RIMBP2: variants seen among roughly 807,000 people sequenced by gnomAD.
RIMBP2 encodes RIMS-binding protein 2.
Under a neutral mutation model 118.6 loss-of-function variants are expected in RIMBP2, and 48 were observed. The ratio of observed to expected loss-of-function variants is 0.40; its 90% confidence interval spans 0.32 to 0.51. The LOEUF (loss-of-function observed/expected upper bound fraction) is 0.51. Ranked by LOEUF, RIMBP2 falls within the 20% of genes least tolerant of loss-of-function variation. The pLI, the probability that RIMBP2 is intolerant of heterozygous loss-of-function variation, is 0.41. For synonymous variants in RIMBP2, 762 were observed against 742.9 expected (o/e 1.03, Z -0.42); for missense variants, 1,551 against 1,768.3 (o/e 0.88, Z 2.20).
chr12:130,512,003 C>T (rs986085146), intron 3 of RIMBP2, among the ~76,000 whole-genome samples: 1 of 152,164 alleles, frequency 6.6e-6, no homozygotes, highest in African/African-American at 2.4e-5. Flanking sequence ...TGGAAATAAC[C>T]CCAGCTGATA....
rs1484578530 is a variant in RIMBP2 at position 130,621,561 on chromosome 12, G to A, written c.-217+6761C>T. On this transcript the variant is annotated intron_variant, in intron 2 of 22. Coordinates refer to ENST00000690449, the MANE Select transcript of RIMBP2 (RefSeq NM_001393629.1). This position sits in a 1 kb window ranked among gnomAD's most constrained non-coding sequence, Gnocchi z 6.6. ...CTCTGTCATCTGAAATCTGAAGATC[G>A]CGACACACATAATATAATACCACGG... Among the ~76,000 whole-genome samples, 5 of 152,120 alleles carry A rather than the reference G, an allele frequency of 3.3e-5. No individual in the cohort carries two copies. The highest frequency in any genetic ancestry group is 4.8e-5 in the African/African-American group (2 of 41,416).
At chr12:130,694,729 G>T (rs947706949) in intron 1 of RIMBP2, among the ~76,000 whole-genome samples, 1 of 152,208 alleles carries the variant, frequency 6.6e-6, no homozygotes, top group Non-Finnish European at 1.5e-5. Context: ...ACAGGAGGTA[G>T]CAGACACTGA....
At chr12:130,613,623 GGCCAAC>G (rs1387539408) in intron 2 of RIMBP2, among the ~76,000 whole-genome samples, 1 of 152,090 alleles carries the variant, frequency 6.6e-6, no homozygotes, top group African/African-American at 2.4e-5. Context: ...AGATCATCCT[GGCCAAC>G]GTGGTGAAAC....
At position 130,656,235 on chromosome 12, in the gene RIMBP2, C is replaced by T. The variant is rs2136304516; in HGVS notation, c.-351-27779G>A. 2.0e-5 allele frequency among the ~76,000 whole-genome samples: 3 copies of T among 152,262 alleles called. No individual in the cohort carries two copies. The Middle Eastern group carries it at 0.01, about 518-fold the overall frequency. On this transcript the variant is annotated intron_variant, in intron 1 of 22. Coordinates refer to ENST00000690449, the MANE Select transcript of RIMBP2 (RefSeq NM_001393629.1). ...GGGTTGGGGGACCCGGCAAGAATCACAAGGGAGCCATCTGAGAGGCACCTT... is the reference window on the plus strand; with the variant it reads ...GGGTTGGGGGACCCGGCAAGAATCATAAGGGAGCCATCTGAGAGGCACCTT...
At chr12:130,689,820 C>T (rs1168179559) in intron 1 of RIMBP2, among the ~76,000 whole-genome samples, 1 of 152,204 alleles carries the variant, frequency 6.6e-6, no homozygotes, top group African/African-American at 2.4e-5. Flanking sequence ...GCGGCTTAAA[C>T]AGCCCCATGT....
chr12:130,493,664 T>C (rs1181225089), intron 4 of RIMBP2, among the ~76,000 whole-genome samples: 1 of 152,200 alleles, frequency 6.6e-6, no homozygotes, highest in Non-Finnish European at 1.5e-5. Flanking sequence ...TATGTTTTTA[T>C]GTCACTCCTA....
At chr12:130,550,772 T>C (rs1228960796) in intron 2 of RIMBP2, among the ~76,000 whole-genome samples, 1 of 152,236 alleles carries the variant, frequency 6.6e-6, no homozygotes, top group Non-Finnish European at 1.5e-5. Flanking sequence ...CTCTGGGAGA[T>C]TCTAAAAGAC....
Position 130,424,320 on chromosome 12 carries a change from A to G in RIMBP2, c.2951T>C (p.Leu984Pro), listed in dbSNP as rs1220369430. 5 of 1,231,076 alleles carry G rather than the reference A, an allele frequency of 4.1e-6. No individual in the cohort carries two copies. The highest frequency in any genetic ancestry group is 5.1e-6 in the Non-Finnish European group (5 of 987,720). 76.3% of individuals were successfully genotyped at this position (1,231,076 alleles called of 1,614,324 possible). A position where few individuals can be genotyped will look rare whatever the true frequency, so the allele number is the denominator to read the frequency against. ...GCCGGGCTGGGGGTCGTCGTTCCTG[A>G]GGAGGCCACCAGGGCCCACCTGCTC... is the stretch of plus-strand genomic sequence containing the variant. ...FGEQVGPGGL[L>P]RNDDPQPGPE... Residue 984 changes from leucine to proline, a missense_variant, in exon 16 of 23, where the codon CTC (leucine) becomes CCC (proline). Leu to Pro is a moderately conservative substitution (Grantham distance 98). Around this residue, in one of 5 missense-constraint regions of RIMBP2, gnomAD observed 1,038 missense variants for 1,125.1 expected, o/e 0.92. Transcript: ENST00000690449. This position sits in a 1 kb window ranked among gnomAD's most constrained non-coding sequence, Gnocchi z 9.8.
In RIMBP2 at chr12:130,490,049, G is replaced by A. The variant is rs766410761; in HGVS notation, c.-3-11033C>T. ...TGAGGCAAGAGAATCGCTTGAACCCGGGAGGCGGAGGTTGCAGTGAGCCGA... is the reference window on the plus strand; with the variant it reads ...TGAGGCAAGAGAATCGCTTGAACCCAGGAGGCGGAGGTTGCAGTGAGCCGA... On this transcript the variant is annotated intron_variant, in intron 4 of 22. Transcript: ENST00000690449. 1.1e-4 allele frequency among the ~76,000 whole-genome samples: 17 copies of A among 151,040 alleles called. No individual in the cohort carries two copies. In the East Asian group the frequency reaches 1.8e-3, roughly 16 times the overall value.
In RIMBP2 at chr12:130,446,746, G is replaced by A. The variant is rs2078553466; in HGVS notation, c.582-1477C>T. ...TGGTTTTAACCTGATCTCACAAGCTGTGGGATGTCATGAAAGAGTTTTAAG... is the reference window on the plus strand; with the variant it reads ...TGGTTTTAACCTGATCTCACAAGCTATGGGATGTCATGAAAGAGTTTTAAG... On this transcript the variant is annotated intron_variant, in intron 9 of 22. Coordinates refer to ENST00000690449, the MANE Select transcript of RIMBP2 (RefSeq NM_001393629.1). This position sits in a 1 kb window ranked among gnomAD's most constrained non-coding sequence, Gnocchi z 4.1. Among the ~76,000 whole-genome samples the A allele has an allele frequency of 6.6e-6, 1 of 152,238 alleles. No individual in the cohort carries two copies. The highest frequency in any genetic ancestry group is 2.4e-5 in the African/African-American group (1 of 41,472).
chr12:130,711,438 G>C (rs913415298), intron 1 of RIMBP2, among the ~76,000 whole-genome samples: 7 of 152,168 alleles, frequency 4.6e-5, no homozygotes, highest in African/African-American at 1.7e-4. Context: ...AGTTTGGCCA[G>C]CACATGTTCT....
rs150011467 is a variant in RIMBP2, at chr12:130,703,046, G to T, written c.-352+13176C>A. Among the ~76,000 whole-genome samples the T allele has an allele frequency of 1.3e-5, 2 of 152,268 alleles. No individual in the cohort carries two copies. The highest frequency in any genetic ancestry group is 2.9e-5 in the Non-Finnish European group (2 of 68,014). The stretch of plus-strand genomic sequence containing the variant: ...AGAAAAATGCTGCTGCTACTCAGAT[G>T]CCCGGAGAAGTTCATTAGAACAGGA... On this transcript the variant is annotated intron_variant, in intron 1 of 22. Coordinates refer to ENST00000690449, the MANE Select transcript of RIMBP2 (RefSeq NM_001393629.1). The surrounding 1 kb of genome is among the most constrained non-coding windows in gnomAD (Gnocchi z 5.7).
rs920615045 is a variant in RIMBP2, at chr12:130,422,095, G to C, written c.3238+358C>G. 2.0e-5 allele frequency among the ~76,000 whole-genome samples: 3 copies of C among 152,264 alleles called. No individual in the cohort carries two copies. The highest frequency in any genetic ancestry group is 7.2e-5 in the African/African-American group (3 of 41,568). On this transcript the variant is annotated intron_variant, in intron 17 of 22. Transcript: ENST00000690449. The surrounding 1 kb of genome is among the most constrained non-coding windows in gnomAD (Gnocchi z 5.2). ...TGGGGCTCACAGACCCCTGAGGCAC[G>C]CTGACATCCAGCTTCTGCACCTGCC...
chr12:130,480,747 C>T (rs1396458233), intron 4 of RIMBP2, among the ~76,000 whole-genome samples: 3 of 152,218 alleles, frequency 2.0e-5, no homozygotes, highest in East Asian at 1.9e-4. Context: ...ATTACAGGTG[C>T]CCACCACCAT....
chr12:130,532,444 G>T (rs78234737), intron 2 of RIMBP2, among the ~76,000 whole-genome samples: 583 of 75,020 alleles, frequency 7.8e-3, no homozygotes, highest in Middle Eastern at 0.022. Flanking sequence ...CTCTAGGAGG[G>T]ACGTCTAATG....
At chr12:130,514,733 T>G (rs7306433) in intron 3 of RIMBP2, among the ~76,000 whole-genome samples, 25,225 of 152,114 alleles carry the variant, frequency 0.17, 2,400 homozygotes, top group Middle Eastern at 0.26. Context: ...AATACTCCTG[T>G]CCTAAGAAAG....
intron 2 of RIMBP2, among the ~76,000 whole-genome samples, chr12:130,603,345 T>C (rs2059975672): frequency 6.6e-6 from 1 of 152,246 alleles, no homozygotes; most frequent in East Asian, 1.9e-4. Context: ...GCACATCCTA[T>C]AACCCTACTA....
At chr12:130,462,081 G>A (rs138110954) in intron 6 of RIMBP2, among the ~76,000 whole-genome samples, 172 of 152,336 alleles carry the variant, frequency 1.1e-3, no homozygotes, top group African/African-American at 3.9e-3. Context: ...TGCTCTGCAC[G>A]ACAGCATGGT....
At chr12:130,627,202 G>A (rs1362151679) in intron 2 of RIMBP2, among the ~76,000 whole-genome samples, 1 of 152,172 alleles carries the variant, frequency 6.6e-6, no homozygotes, top group Non-Finnish European at 1.5e-5. Context: ...TGGAATCTGA[G>A]ACTCAGACTC....
Sources: gnomAD v4.1 joint callset for allele counts (sites outside exome capture counted in the v4.1 genomes callset) on GRCh38, gnomAD v4.1.1 for gene constraint, gnomAD v4.1.1 regional missense constraint, Gnocchi (gnomAD v3.1) non-coding constraint, MANE v1.5 for transcripts, NCBI Gene and HGNC (gene_info 2026-07-23, HGNC 2026-07-21) for gene names.